The following ACER3 variants were observed in gnomAD, a reference collection of about 807,000 sequenced individuals.
ACER3 encodes the protein alkaline ceramidase 3.
A neutral mutation model predicts 48.9 loss-of-function variants in ACER3; 16 were observed. The ratio of observed to expected loss-of-function variants is 0.33; its 90% CI spans 0.22 to 0.50. ACER3 has a LOEUF of 0.50. Ranked by LOEUF, ACER3 falls within the 20% of genes least tolerant of loss-of-function variation. The pLI, the probability that ACER3 is intolerant of heterozygous loss-of-function variation, is 0.98. For synonymous variants in ACER3, 109 were observed against 107.8 expected (o/e 1.01, Z -0.07); for missense variants, 227 against 326.0 (o/e 0.70, Z 2.34).
intron 1 of ACER3, among the ~76,000 whole-genome samples, chr11:76,897,379 T>C (rs755084676): frequency 4.6e-5 from 7 of 152,236 alleles, no homozygotes; most frequent in Non-Finnish European, 7.3e-5. Context: ...GATCATATCA[T>C]TGAATTTTTC....
intron 1 of ACER3, among the ~76,000 whole-genome samples, chr11:76,914,153 T>A (rs1263364816): frequency 6.6e-6 from 1 of 152,112 alleles, no homozygotes; most frequent in East Asian, 1.9e-4. Flanking sequence ...GGACTTCATG[T>A]CTAAAACACC....
At chr11:76,865,991 G>GTT (rs201031925) in intron 1 of ACER3, among the ~76,000 whole-genome samples, 3 of 128,232 alleles carry the variant, frequency 2.3e-5, no homozygotes, top group Admixed American at 7.9e-5. Context: ...TTTGTTTTTT[G>GTT]TTTTTTTTTT....
chr11:76,938,124 C>G (rs1185095592), intron 2 of ACER3, among the ~76,000 whole-genome samples: 1 of 152,084 alleles, frequency 6.6e-6, no homozygotes, highest in African/African-American at 2.4e-5. Flanking sequence ...AACAATCCTC[C>G]CACCTTGGTC....
At position 76,979,634 on chromosome 11, in the gene ACER3, C is replaced by T. The variant is rs144545814; in HGVS notation, c.320+3293C>T. ...CACCACTACACTCCAGCCTGGGTGACAGAGTGAGACCCTGTCCCCCCCAGA... is the reference window on the plus strand; with the variant it reads ...CACCACTACACTCCAGCCTGGGTGATAGAGTGAGACCCTGTCCCCCCCAGA... On this transcript the variant is annotated intron_variant, in intron 4 of 10. Transcript: ENST00000532485. Among the ~76,000 whole-genome samples, 401 of 151,838 alleles carry T rather than the reference C, an allele frequency of 2.6e-3. 2 individuals carry two copies. Among genetic ancestry groups the T allele is most frequent in the African/African-American group, 9.2e-3 (381 of 41,394 alleles).
At chr11:77,002,990 T>TG (rs1252533397) in intron 7 of ACER3, among the ~76,000 whole-genome samples, 1 of 152,110 alleles carries the variant, frequency 6.6e-6, no homozygotes, top group Admixed American at 6.6e-5. Flanking sequence ...TATCGTTTTA[T>TG]GGGTACAAAG....
intron 7 of ACER3, among the ~76,000 whole-genome samples, chr11:77,012,371 T>C (rs1949284348): frequency 7.0e-6 from 1 of 143,362 alleles, no homozygotes; most frequent in African/African-American, 2.7e-5. Context: ...TGAACCAAGA[T>C]TGAGCCACTG....
chr11:77,018,199 C>G (rs1458670971), intron 9 of ACER3, among the ~76,000 whole-genome samples: 1 of 152,080 alleles, frequency 6.6e-6, no homozygotes, highest in Non-Finnish European at 1.5e-5. Context: ...CTCAGCCTCC[C>G]AAAGTGCTGG....
chr11:76,920,634 C>CTTTTT (rs11320505), intron 1 of ACER3, among the ~76,000 whole-genome samples: 1 of 132,872 alleles, frequency 7.5e-6, no homozygotes. Flanking sequence ...GAACTCTTGA[C>CTTTTT]TTTTTTTTTT....
intron 7 of ACER3, among the ~76,000 whole-genome samples, chr11:77,010,905 T>C (rs1555022041): frequency 6.6e-6 from 1 of 152,054 alleles, no homozygotes; most frequent in African/African-American, 2.4e-5. Flanking sequence ...CAGAGAAAAA[T>C]ATGTTTTCAT....
intron 1 of ACER3, among the ~76,000 whole-genome samples, chr11:76,923,898 C>T (rs1254702922): frequency 2.0e-5 from 3 of 152,148 alleles, no homozygotes; most frequent in Non-Finnish European, 4.4e-5. Flanking sequence ...TTCCTGGCTT[C>T]GACTAGTTTG....
chr11:76,932,585 G>C (rs1947036680), intron 2 of ACER3, among the ~76,000 whole-genome samples: 1 of 152,104 alleles, frequency 6.6e-6, no homozygotes, highest in Non-Finnish European at 1.5e-5. Flanking sequence ...AAGACCTGAG[G>C]GACTTCCAGT....
intron 4 of ACER3, among the ~76,000 whole-genome samples, chr11:76,981,071 A>G (rs573577008): frequency 6.6e-5 from 10 of 152,344 alleles, no homozygotes; most frequent in Admixed American, 5.9e-4. Flanking sequence ...TACAAAGTTC[A>G]GTGGAGTAGA....
At chr11:76,936,559 C>T (rs1179439568) in intron 2 of ACER3, among the ~76,000 whole-genome samples, 1 of 151,956 alleles carries the variant, frequency 6.6e-6, no homozygotes, top group African/African-American at 2.4e-5. Flanking sequence ...ATAAAAAAAA[C>T]TTTTGTTATA....
chr11:77,022,765 TA>T lies in ACER3; in HGVS notation c.*2439del. ...CTGAGCCAATAGTGATTTGTTTGCATATCACCTAATGTGAAAAGTGCTCATC... is the reference window on the plus strand; with the variant it reads ...CTGAGCCAATAGTGATTTGTTTGCATTCACCTAATGTGAAAAGTGCTCATC... On this transcript the variant is annotated 3_prime_UTR_variant, in exon 11 of 11. Coordinates refer to ENST00000532485, the MANE Select transcript of ACER3 (RefSeq NM_018367.7). The T allele has an allele frequency of 5.3e-6, 1 of 188,082 alleles. No homozygotes were observed. The highest frequency in any genetic ancestry group is 2.0e-4 in the South Asian group (1 of 5,126). The allele number at this position is 188,082 out of a possible 1,614,324, so 11.7% of individuals were successfully genotyped here.
Position 77,020,548 on chromosome 11 carries a change from T to A in ACER3, c.*221T>A, listed in dbSNP as rs2135342763. 3.9e-6 allele frequency: 2 copies of A among 517,474 alleles called. No homozygotes were observed. Among genetic ancestry groups the A allele is most frequent in the South Asian group, 4.7e-5 (2 of 42,214 alleles). 32.1% of individuals were successfully genotyped at this position (517,474 alleles called of 1,614,324 possible). On this transcript the variant is annotated 3_prime_UTR_variant, in exon 11 of 11. Transcript: ENST00000532485. ...ATTTGTCCCCCTCCTCCTTTCACGC[T>A]CCAGTTTATAAAGAAACAGAGATGA... is the stretch of plus-strand genomic sequence containing the variant.
Position 77,020,345 on chromosome 11 carries a change from A to G in ACER3, c.*18A>G, listed in dbSNP as rs1949452906. 2 of 1,612,362 alleles carry G rather than the reference A, an allele frequency of 1.2e-6. No individual in the cohort carries two copies. Among genetic ancestry groups the G allele is most frequent in the African/African-American group, 1.3e-5 (1 of 74,890 alleles). ...AGCATTGATGAATCATTCCACCAAG[A>G]AAACAAACAAGCACCTACCATAGAC... On this transcript the variant is annotated 3_prime_UTR_variant, in exon 11 of 11. Coordinates refer to ENST00000532485, the MANE Select transcript of ACER3 (RefSeq NM_018367.7).
intron 1 of ACER3, among the ~76,000 whole-genome samples, chr11:76,887,378 A>C (rs987626850): frequency 5.3e-5 from 8 of 152,236 alleles, no homozygotes; most frequent in African/African-American, 1.9e-4. Flanking sequence ...AGAGTAGGTG[A>C]TGAGAAAGCA....
intron 2 of ACER3, among the ~76,000 whole-genome samples, chr11:76,952,764 T>G (rs1415811318): frequency 6.7e-6 from 1 of 148,346 alleles, no homozygotes; most frequent in African/African-American, 2.5e-5. Flanking sequence ...CCTCCCAGGT[T>G]AAGCAATTCT....
Position 76,997,950 on chromosome 11 carries a change from T to C in ACER3, c.439-813T>C, listed in dbSNP as rs543865712. On this transcript the variant is annotated intron_variant, in intron 6 of 10. Transcript: ENST00000532485. ...GTAGATGACTAGTTTAAGTTAGTAA[T>C]TATATAAAGAAAAGCAAAACAATGT... Among the ~76,000 whole-genome samples the C allele has an allele frequency of 2.0e-5, 3 of 152,340 alleles. No homozygotes were observed. In the South Asian group the frequency reaches 6.2e-4, roughly 32 times the overall value.
Sources: gnomAD v4.1 joint callset for allele counts (sites outside exome capture counted in the v4.1 genomes callset) on GRCh38, gnomAD v4.1.1 for gene constraint, MANE v1.5 for transcripts, NCBI Gene and HGNC (gene_info 2026-07-23, HGNC 2026-07-21) for gene names.